Variants in ALG6 observed in about 807,000 individuals in gnomAD.
ALG6 encodes ALG6 alpha-1,3-glucosyltransferase.
A neutral mutation model predicts 66.6 loss-of-function variants in ALG6; 46 were observed. The ratio of observed to expected loss-of-function variants is 0.69; its 90% confidence interval spans 0.55 to 0.88. The LOEUF is 0.88. Ranked by LOEUF, ALG6 falls within the 40% of genes least tolerant of loss-of-function variation. The pLI is 0.00. For synonymous variants in ALG6, 185 were observed against 203.7 expected (o/e 0.91, Z 0.78); for missense variants, 505 against 586.8 (o/e 0.86, Z 1.44).
chr1:63,428,873 G>A, intron 13 of ALG6, 55 bp from the exon 14 acceptor site: 1 of 1,587,368 alleles, frequency 6.3e-7, no homozygotes, highest in Non-Finnish European at 8.6e-7. Flanking sequence ...TTTATGAAGT[G>A]GTTATGGTTT....
intron 3 of ALG6, among the ~76,000 whole-genome samples, chr1:63,398,378 C>T (rs1050367301): frequency 5.3e-5 from 8 of 152,226 alleles, no homozygotes; most frequent in Non-Finnish European, 8.8e-5. Context: ...TCTCATTCTA[C>T]GTACCCTGAC....
At chr1:63,388,734 A>G (rs948943384) in intron 2 of ALG6, among the ~76,000 whole-genome samples, 1 of 152,178 alleles carries the variant, frequency 6.6e-6, no homozygotes, top group African/African-American at 2.4e-5. Flanking sequence ...AACTCCCTTT[A>G]GCATTTCTTG....
At chr1:63,408,004 T>C (rs1644498428) in intron 7 of ALG6, among the ~76,000 whole-genome samples, 1 of 152,158 alleles carries the variant, frequency 6.6e-6, no homozygotes, top group South Asian at 2.1e-4. Flanking sequence ...AAAAATGTTA[T>C]CTACCAGAGT....
At chr1:63,425,825 A>G (rs1644612325) in intron 12 of ALG6, among the ~76,000 whole-genome samples, 1 of 152,094 alleles carries the variant, frequency 6.6e-6, no homozygotes, top group Non-Finnish European at 1.5e-5. Flanking sequence ...TTAGAATTTA[A>G]GGTAGGTAAA....
chr1:63,430,324 T>TTA (rs965396751), intron 14 of ALG6, among the ~76,000 whole-genome samples: 46 of 152,244 alleles, frequency 3.0e-4, no homozygotes, highest in Admixed American at 2.9e-3. Context: ...TGTTTCTACT[T>TTA]TTTTAGTGTT....
intron 2 of ALG6, among the ~76,000 whole-genome samples, chr1:63,389,186 A>G (rs1208769465): frequency 2.0e-5 from 3 of 151,624 alleles, no homozygotes; most frequent in Admixed American, 6.6e-5. Flanking sequence ...CTCTCTCTCT[A>G]TTACCTCTTT....
chr1:63,404,613 A>G (rs989949884), intron 5 of ALG6, 72 bp downstream of exon 5: 14 of 1,224,192 alleles, frequency 1.1e-5, no homozygotes, highest in Non-Finnish European at 1.7e-5. Flanking sequence ...TAAAGGTACT[A>G]TTATTGTTCT....
intron 12 of ALG6, among the ~76,000 whole-genome samples, chr1:63,421,167 C>A (rs1644571085): frequency 6.6e-6 from 1 of 151,704 alleles, no homozygotes; most frequent in African/African-American, 2.4e-5. Flanking sequence ...GTAGCGGTTG[C>A]AATTTTATTT....
intron 2 of ALG6, among the ~76,000 whole-genome samples, chr1:63,385,075 C>T (rs1648455294): frequency 6.6e-6 from 1 of 150,952 alleles, no homozygotes; most frequent in South Asian, 2.1e-4. Flanking sequence ...GTAGAATGGA[C>T]ATTTAATGAT....
chr1:63,422,571 T>G (rs1644593541), intron 12 of ALG6, among the ~76,000 whole-genome samples: 1 of 150,302 alleles, frequency 6.7e-6, no homozygotes, highest in Non-Finnish European at 1.5e-5. Context: ...TGGGAATATA[T>G]TATTTGCCTT....
At chr1:63,388,920 C>A (rs1007411127) in intron 2 of ALG6, among the ~76,000 whole-genome samples, 1 of 151,998 alleles carries the variant, frequency 6.6e-6, no homozygotes, top group Non-Finnish European at 1.5e-5. Flanking sequence ...GTGTGGCTTT[C>A]TACTGAGAAG....
rs1179089719 is a variant in ALG6 at position 63,407,020 on chromosome 1, G to A, written c.430-42G>A. ...CACACTTTTACCCTGCTTGATTTGT[G>A]TAACAGATTACTTTCTTATCTCACA... On this transcript the variant is annotated intron_variant, in intron 6 of 14. Transcript: ENST00000263440. 2.7e-6 allele frequency: 4 copies of A among 1,470,320 alleles called. No homozygotes were observed. The African/African-American group carries it at 4.2e-5, about 15-fold the overall frequency. The allele number at this position is 1,470,320 out of a possible 1,614,324, so 91.1% of individuals were successfully genotyped here.
intron 3 of ALG6, among the ~76,000 whole-genome samples, chr1:63,397,666 A>C (rs1007063349): frequency 1.3e-5 from 2 of 152,204 alleles, no homozygotes; most frequent in Non-Finnish European, 1.5e-5. Flanking sequence ...ATAATTGAGC[A>C]GTGGTGATTA....
chr1:63,399,786 G>A (rs573153440), intron 3 of ALG6, among the ~76,000 whole-genome samples: 4 of 151,968 alleles, frequency 2.6e-5, no homozygotes, highest in South Asian at 2.1e-4. Context: ...TTTATAATTC[G>A]TGTGGCAGCC....
intron 2 of ALG6, among the ~76,000 whole-genome samples, chr1:63,374,630 A>G (rs1230781962): frequency 1.3e-4 from 1 of 7,710 alleles, no homozygotes; most frequent in Non-Finnish European, 1.9e-4. Context: ...TCTGTCTCCA[A>G]AAAAAAAAAA....
intron 3 of ALG6, among the ~76,000 whole-genome samples, chr1:63,397,541 G>C (rs1644410099): frequency 2.6e-5 from 3 of 115,694 alleles, no homozygotes; most frequent in African/African-American, 1.1e-4. Flanking sequence ...TATTATGAAG[G>C]AGGAGGTCAG....
At chr1:63,416,832 T>A (rs909942435) in intron 11 of ALG6, among the ~76,000 whole-genome samples, 5 of 140,300 alleles carry the variant, frequency 3.6e-5, no homozygotes, top group African/African-American at 1.5e-4. Context: ...TAAAATGACA[T>A]TTAAAAAATA....
chr1:63,415,857 T>C lies in ALG6; in HGVS notation c.903-16T>C, dbSNP rs375187126. 1.2e-5 allele frequency: 19 copies of C among 1,534,786 alleles called. No individual in the cohort carries two copies. The highest frequency in any genetic ancestry group is 2.3e-5 in the South Asian group (2 of 88,550). ...CTACAAAGAAGACAAATATTTGATT[T>C]GTATTAATTTTTTAGCTTTTGTTCT... On this transcript the variant is annotated splice_polypyrimidine_tract_variant and intron_variant, in intron 10 of 14. Transcript: ENST00000263440.
At position 63,422,431 on chromosome 1, in the gene ALG6, A is replaced by ATC. The variant is rs1491395462; in HGVS notation, c.1058+2991_1058+2992insTC. Among the ~76,000 whole-genome samples the ATC allele has an allele frequency of 4.1e-4, 14 of 34,542 alleles. 1 individual carries two copies. Among genetic ancestry groups the ATC allele is most frequent in the African/African-American group, 2.6e-3 (12 of 4,568 alleles). 22.7% of individuals were successfully genotyped at this position (34,542 alleles called of 152,430 possible). On this transcript the variant is annotated intron_variant, in intron 12 of 14. Transcript: ENST00000263440. ...TAAATATAAATATATATATAAATATAAATATATATATAAATATATATATAA... is the reference window on the plus strand; with the variant it reads ...TAAATATAAATATATATATAAATATATCAATATATATATAAATATATATATAA...
Sources: allele counts gnomAD v4.1 joint callset (sites outside exome capture counted in the v4.1 genomes callset), GRCh38; gene constraint gnomAD v4.1.1; transcripts MANE v1.5; gene names NCBI Gene and HGNC (gene_info 2026-07-23, HGNC 2026-07-21).